SI: variants seen among roughly 807,000 people sequenced by gnomAD.
SI encodes the protein sucrase-isomaltase.
Under a neutral mutation model 253.3 loss-of-function variants are expected in SI, and 235 were observed. The ratio of observed to expected loss-of-function variants is 0.93; its 90% confidence interval spans 0.83 to 1.03. SI has a LOEUF of 1.03. SI is among the 50% of genes least tolerant of loss of function. The probability of loss-of-function intolerance (pLI) is 0.00; values close to 1 mark genes in which losing one functional copy is unlikely to be tolerated. For missense variants in SI, 2,442 were observed against 2,211.1 expected (o/e 1.10, Z -2.09); for synonymous variants, 819 against 712.0 (o/e 1.15, Z -2.39).
At chr3:165,013,129 G>C in intron 33 of SI, 87 bp from the exon 34 acceptor site, 1 of 842,626 alleles carries the variant, frequency 1.2e-6, no homozygotes, top group Non-Finnish European at 2.1e-6. Flanking sequence ...TGGAGTATTA[G>C]AGGCTTATTA....
intron 19 of SI, among the ~76,000 whole-genome samples, chr3:165,039,347 A>C (rs1712698904): frequency 6.6e-6 from 1 of 152,132 alleles, no homozygotes; most frequent in Non-Finnish European, 1.5e-5. Context: ...ATAAAAAAGT[A>C]ATTTAGATAG....
intron 45 of SI, among the ~76,000 whole-genome samples, chr3:164,984,073 C>T (rs1717324475): frequency 6.6e-6 from 1 of 151,690 alleles, no homozygotes; most frequent in Admixed American, 6.6e-5. Context: ...AAATAAATTG[C>T]CAAAAGTAAA....
In SI at chr3:165,017,784, C is replaced by A. The variant is rs1250803281; in HGVS notation, c.3610G>T (p.Val1204Phe). The A allele has an allele frequency of 6.2e-7, 1 of 1,612,682 alleles. No individual in the cohort carries two copies. The highest frequency in any genetic ancestry group is 1.7e-5 in the Admixed American group (1 of 59,924). Residue 1204 changes from valine (V) to phenylalanine (F), a missense_variant, in exon 30 of 48, where the codon GTT becomes TTT. Val to Phe is a conservative substitution (Grantham distance 50). Transcript: ENST00000264382. The stretch of plus-strand genomic sequence containing the variant: ...ACTTCATGGTATTGCTTTGTTGCAA[C>A]TTCTGGAGTTGGGCCCAAAAACATA... ...FYMFLGPTPE[V>F]ATKQYHEVIG...
chr3:165,032,428 C>CT, intron 24 of SI, 94 bp downstream of exon 24: 1 of 813,420 alleles, frequency 1.2e-6, no homozygotes, highest in Non-Finnish European at 2.0e-6. Flanking sequence ...GGAATACACA[C>CT]TGTGAGGAGA....
chr3:165,036,831 T>C (rs1712559278), intron 21 of SI, among the ~76,000 whole-genome samples: 2 of 151,740 alleles, frequency 1.3e-5, no homozygotes, highest in South Asian at 4.2e-4. Context: ...TGTGTAATCC[T>C]AAATCTCAAT....
At chr3:165,005,625 A>G (rs1411860177) in intron 37 of SI, among the ~76,000 whole-genome samples, 2 of 152,216 alleles carry the variant, frequency 1.3e-5, no homozygotes, top group South Asian at 2.1e-4. Context: ...ATTATTGTAT[A>G]CTACTACTTA....
chr3:165,065,237 A>G, intron 7 of SI, 24 bp downstream of exon 7: 1 of 1,496,158 alleles, frequency 6.7e-7, no homozygotes, highest in Non-Finnish European at 9.3e-7. Flanking sequence ...GATTTTATTT[A>G]TAACAAGAAA....
chr3:165,059,425 T>A (rs1341776126), intron 10 of SI, 126 bp from the exon 11 acceptor site: 22 of 947,232 alleles, frequency 2.3e-5, no homozygotes, highest in South Asian at 8.5e-5. Context: ...CGTCCATCCT[T>A]TTCATTTCAC....
chr3:165,041,047 T>G lies in SI; in HGVS notation c.2052A>C (p.Ser684=), dbSNP rs745725467. ...AGCGAATAGTTAAATACTGCCTTGA[T>G]GATTTAACCAAAAGTGAATTCTGCC... ...FFGQNSLLVK[S]SRQYLTIRYT... is the part of the protein sequence containing the mutation. Residue 684 remains serine (S), a synonymous_variant, in exon 18 of 48, where the codon TCA becomes TCC. Transcript: ENST00000264382. The G allele has an allele frequency of 6.2e-6, 10 of 1,612,612 alleles. 1 individual carries two copies. The highest frequency in any genetic ancestry group is 8.5e-6 in the Non-Finnish European group (10 of 1,178,982).
chr3:164,986,774 A>G (rs1186801768), intron 45 of SI, among the ~76,000 whole-genome samples: 1 of 152,174 alleles, frequency 6.6e-6, no homozygotes, highest in African/African-American at 2.4e-5. Flanking sequence ...AATATTTTGC[A>G]CATATAATAA....
chr3:164,980,327 AT>A (rs201235705), intron 47 of SI, among the ~76,000 whole-genome samples: 4,189 of 152,050 alleles, frequency 0.028, 73 homozygotes, highest in Middle Eastern at 0.041. Context: ...AACTTAAACT[AT>A]TTTTTTAACT....
At chr3:165,023,405 G>C (rs1711731760) in intron 26 of SI, among the ~76,000 whole-genome samples, 165 bp downstream of exon 26, 1 of 151,260 alleles carries the variant, frequency 6.6e-6, no homozygotes, top group African/African-American at 2.4e-5. Flanking sequence ...TCATTTATTG[G>C]GCACCTAGCT....
Position 165,059,155 on chromosome 3 carries a change from AATTG to A in SI, c.1278+9_1278+12del. 3 of 1,612,158 alleles carry A rather than the reference AATTG, an allele frequency of 1.9e-6. No homozygotes were observed. Among genetic ancestry groups the A allele is most frequent in the Non-Finnish European group, 2.5e-6 (3 of 1,178,914 alleles). ...AAACACTAAAAATGTATTAAGGTAT[AATTG>A]ATTATTACCAAGATGATGACATATT... On this transcript the variant is annotated intron_variant, in intron 11 of 47. Coordinates refer to ENST00000264382, the MANE Select transcript of SI (RefSeq NM_001041.4).
chr3:165,074,167 C>T (rs1053614493), intron 3 of SI, among the ~76,000 whole-genome samples: 3 of 152,122 alleles, frequency 2.0e-5, no homozygotes, highest in Middle Eastern at 3.4e-3. Flanking sequence ...TTAATGCTAT[C>T]ATTACAAATA....
chr3:165,008,509 A>G (rs1718622800), intron 35 of SI, among the ~76,000 whole-genome samples: 1 of 152,010 alleles, frequency 6.6e-6, no homozygotes, highest in Non-Finnish European at 1.5e-5. Context: ...CCTCCACCTG[A>G]AAAAGATAAT....
At chr3:165,025,893 G>A (rs1239627194) in intron 25 of SI, among the ~76,000 whole-genome samples, 1 of 151,188 alleles carries the variant, frequency 6.6e-6, no homozygotes, top group Non-Finnish European at 1.5e-5. Flanking sequence ...CCTCTTTAAA[G>A]CATAAATCTC....
At chr3:165,028,429 G>GA (rs1712039688) in intron 25 of SI, among the ~76,000 whole-genome samples, 1 of 151,232 alleles carries the variant, frequency 6.6e-6, no homozygotes, top group African/African-American at 2.4e-5. Flanking sequence ...CACCGAACTG[G>GA]AAAAAACAAT....
At chr3:164,995,653 C>A (rs1261106216) in intron 40 of SI, among the ~76,000 whole-genome samples, 1 of 151,586 alleles carries the variant, frequency 6.6e-6, no homozygotes, top group Non-Finnish European at 1.5e-5. Flanking sequence ...ATTCTCCATA[C>A]GTTTATATTG....
chr3:164,979,241 G>A lies in SI; in HGVS notation c.*121C>T, dbSNP rs530056606. 181 of 722,100 alleles carry A rather than the reference G, an allele frequency of 2.5e-4. No homozygotes were observed. Among genetic ancestry groups the A allele is most frequent in the African/African-American group, 2.5e-3 (145 of 57,992 alleles). The allele number at this position is 722,100 out of a possible 1,614,324, so 44.7% of individuals were successfully genotyped here. ...GATGTACGCTACAAAATAACTTTTC[G>A]ATGTTATGAAAGCTATATTTTGTAG... On this transcript the variant is annotated 3_prime_UTR_variant, in exon 48 of 48. Transcript: ENST00000264382.
Sources: allele counts gnomAD v4.1 joint callset (sites outside exome capture counted in the v4.1 genomes callset), GRCh38; gene constraint gnomAD v4.1.1; transcripts MANE v1.5; gene names NCBI Gene and HGNC (gene_info 2026-07-23, HGNC 2026-07-21).